Variants in SEC24B observed in about 807,000 individuals in gnomAD.
SEC24B encodes the protein protein transport protein Sec24B.
In SEC24B, 45 loss-of-function variants were observed where a neutral mutation model predicts 142.8. The observed-to-expected ratio is 0.32, with a 90% CI of 0.25 to 0.40. The LOEUF (loss-of-function observed/expected upper bound fraction) is 0.40, where lower values mean the gene tolerates loss of function less well. Among genes scored for constraint, SEC24B ranks in the 10% least tolerant of loss-of-function variants. The pLI, the probability that SEC24B is intolerant of heterozygous loss-of-function variation, is 1.00. For missense variants in SEC24B, 1,409 were observed against 1,526.8 expected, an observed-to-expected ratio of 0.92 and a Z score of 1.29; for synonymous variants, 574 against 568.2, an observed-to-expected ratio of 1.01 and a Z score of -0.15.
At chr4:109,496,540 G>C (rs376351299) in intron 6 of SEC24B, among the ~76,000 whole-genome samples, 2 of 152,206 alleles carry the variant, frequency 1.3e-5, no homozygotes, top group African/African-American at 4.8e-5. Context: ...GTGAGGAGTA[G>C]TGGCTTACTC....
At chr4:109,434,245 T>G (rs1236150750) in intron 1 of SEC24B, among the ~76,000 whole-genome samples, 1 of 151,480 alleles carries the variant, frequency 6.6e-6, no homozygotes, top group Non-Finnish European at 1.5e-5. Flanking sequence ...GGGGCCGGCC[T>G]GGGAAAGCTG....
At chr4:109,514,012 A>G (rs1737661940) in intron 10 of SEC24B, among the ~76,000 whole-genome samples, 156 bp downstream of exon 10, 1 of 152,222 alleles carries the variant, frequency 6.6e-6, no homozygotes, top group African/African-American at 2.4e-5. Flanking sequence ...ACAAAGAGAA[A>G]ATCTTTCTAA....
At chr4:109,486,302 G>T (rs1441425299) in intron 4 of SEC24B, among the ~76,000 whole-genome samples, 1 of 152,138 alleles carries the variant, frequency 6.6e-6, no homozygotes, top group African/African-American at 2.4e-5. Flanking sequence ...TTTTGTGCAG[G>T]TTATGAGGAA....
intron 4 of SEC24B, among the ~76,000 whole-genome samples, chr4:109,489,486 T>TTTTTTTTTTTTTTTTTTTGAG (rs1734755939): frequency 6.6e-6 from 1 of 151,346 alleles, no homozygotes; most frequent in African/African-American, 2.4e-5. Context: ...CACTTCTATT[T>TTTTTTTTTTTTTTTTTTTGAG]AGCTCTATCT....
chr4:109,434,338 C>T (rs981882297), intron 1 of SEC24B, among the ~76,000 whole-genome samples: 1 of 152,136 alleles, frequency 6.6e-6, no homozygotes, highest in Non-Finnish European at 1.5e-5. Flanking sequence ...TGGGAGCCCA[C>T]GTAGTAAAAC....
intron 6 of SEC24B, among the ~76,000 whole-genome samples, chr4:109,498,581 G>A (rs2126018406): frequency 6.6e-6 from 1 of 152,212 alleles, no homozygotes; most frequent in South Asian, 2.1e-4. Context: ...AGCCAGGATG[G>A]TCTGGATCTC....
At chr4:109,510,162 A>T (rs772244832) in intron 8 of SEC24B, 51 bp downstream of exon 8, 1 of 893,510 alleles carries the variant, frequency 1.1e-6, no homozygotes, top group Non-Finnish European at 1.7e-6. Flanking sequence ...ATGCTTATGT[A>T]CAAGGTACTT....
At chr4:109,453,431 C>A (rs1730316439) in intron 1 of SEC24B, among the ~76,000 whole-genome samples, 2 of 65,420 alleles carry the variant, frequency 3.1e-5, no homozygotes, top group Non-Finnish European at 3.0e-5. Flanking sequence ...CCTAGGGTGG[C>A]CATTTTAGGC....
At chr4:109,438,894 A>T (rs567240910) in intron 1 of SEC24B, among the ~76,000 whole-genome samples, 2 of 152,158 alleles carry the variant, frequency 1.3e-5, no homozygotes, top group African/African-American at 4.8e-5. Flanking sequence ...CATTAATTGA[A>T]TATTTCTTAC....
chr4:109,455,098 A>C (rs910631561), intron 1 of SEC24B, among the ~76,000 whole-genome samples: 33 of 152,258 alleles, frequency 2.2e-4, no homozygotes, highest in African/African-American at 7.7e-4. Flanking sequence ...TATCCTGTTA[A>C]TCTGCCTTTT....
chr4:109,514,405 A>G (rs1055430873), intron 10 of SEC24B, among the ~76,000 whole-genome samples: 2 of 152,154 alleles, frequency 1.3e-5, no homozygotes, highest in Non-Finnish European at 2.9e-5. Context: ...ACATATTTAT[A>G]AAAACTGTAT....
intron 6 of SEC24B, among the ~76,000 whole-genome samples, chr4:109,495,931 AGT>A (rs1735498958): frequency 6.6e-6 from 1 of 152,100 alleles, no homozygotes; most frequent in Non-Finnish European, 1.5e-5. Flanking sequence ...TATCTGCCTA[AGT>A]GATTTCTTTT....
intron 1 of SEC24B, among the ~76,000 whole-genome samples, chr4:109,442,541 C>T (rs1247383428): frequency 6.6e-6 from 1 of 151,930 alleles, no homozygotes; most frequent in Non-Finnish European, 1.5e-5. Context: ...GATAAAGGAA[C>T]TTGTACTTTG....
In SEC24B at chr4:109,531,422, A is replaced by T; in HGVS notation, c.3290A>T (p.Asp1097Val). 6.2e-7 allele frequency: 1 copy of T among 1,613,462 alleles called. No individual in the cohort carries two copies. Among genetic ancestry groups the T allele is most frequent in the Non-Finnish European group, 8.5e-7 (1 of 1,179,430 alleles). The stretch of plus-strand genomic sequence containing the variant: ...ACGGGTACAAGCACACGGCTGGATG[A>T]TCGTGTATATGCCATGTGTCAGATA... ...FRTGTSTRLD[D>V]RVYAMCQIKS... The change falls in exon 20 of 24, where the codon GAT becomes GTT. Residue 1097 changes from aspartate (D) to valine (V), a missense_variant. Physicochemically the swap from Asp to Val is radical, Grantham distance 152 (BLOSUM62 -3). Coordinates refer to ENST00000265175, the MANE Select transcript of SEC24B (RefSeq NM_006323.5).
Position 109,527,499 on chromosome 4 carries a change from G to A in SEC24B, c.3076+67G>A, listed in dbSNP as rs148777581. Reference sequence around the variant, plus strand: ...TCTTAAAAACTGAAGCTTGGCTGGTGGCAGTGCGTCCGCCTGTAATCCCAG... The same window carrying A: ...TCTTAAAAACTGAAGCTTGGCTGGTAGCAGTGCGTCCGCCTGTAATCCCAG... On this transcript the variant is annotated intron_variant, in intron 18 of 23. Transcript: ENST00000265175. 5.7e-5 allele frequency: 67 copies of A among 1,185,716 alleles called. No homozygotes were observed. The African/African-American group carries it at 9.3e-4, about 17-fold the overall frequency. The allele number at this position is 1,185,716 out of a possible 1,614,324, so 73.4% of individuals were successfully genotyped here.
rs904608830 is a variant in SEC24B at position 109,524,731 on chromosome 4, G to A, written c.2509-87G>A. 3 of 1,242,668 alleles carry A rather than the reference G, an allele frequency of 2.4e-6. No individual in the cohort carries two copies. The African/African-American group carries it at 4.7e-5, about 19-fold the overall frequency. The allele number at this position is 1,242,668 out of a possible 1,614,324, so 77.0% of individuals were successfully genotyped here. A position where few individuals can be genotyped will look rare whatever the true frequency, so the allele number is the denominator to read the frequency against. ...AGAAAACTCTTAGTTTGGTAGGGAG[G>A]CAGAGGATATCCTTTTTGTTATAAA... On this transcript the variant is annotated intron_variant, in intron 14 of 23. Coordinates refer to ENST00000265175, the MANE Select transcript of SEC24B (RefSeq NM_006323.5).
intron 3 of SEC24B, among the ~76,000 whole-genome samples, chr4:109,475,049 T>A (rs192905961): frequency 1.9e-4 from 29 of 152,344 alleles, no homozygotes; most frequent in Admixed American, 9.2e-4. Flanking sequence ...AAAGATTTTT[T>A]AACTCAGATC....
At chr4:109,439,127 G>A (rs1323197441) in intron 1 of SEC24B, among the ~76,000 whole-genome samples, 1 of 152,138 alleles carries the variant, frequency 6.6e-6, no homozygotes, top group African/African-American at 2.4e-5. Flanking sequence ...TTTCCAGAAT[G>A]AAACTACAGT....
chr4:109,469,030 G>A (rs1448841485), intron 2 of SEC24B, among the ~76,000 whole-genome samples: 1 of 152,128 alleles, frequency 6.6e-6, no homozygotes, highest in African/African-American at 2.4e-5. Context: ...TGTTGGCTCA[G>A]CCTGTAATTG....
Sources: gnomAD v4.1 joint callset for allele counts (sites outside exome capture counted in the v4.1 genomes callset) on GRCh38, gnomAD v4.1.1 for gene constraint, MANE v1.5 for transcripts, NCBI Gene and HGNC (gene_info 2026-07-23, HGNC 2026-07-21) for gene names.